The following PKD1 variants were observed in gnomAD, a reference collection of about 807,000 sequenced individuals.
The protein encoded by PKD1 is polycystin 1, transient receptor potential channel interacting.
Under a neutral mutation model 361.7 loss-of-function variants are expected in PKD1, and 81 were observed. The ratio of observed to expected loss-of-function variants is 0.22; its 90% CI spans 0.19 to 0.27. PKD1 has a LOEUF of 0.27. Ranked by LOEUF, PKD1 falls within the 10% of genes least tolerant of loss-of-function variation. The pLI is 1.00. For synonymous variants in PKD1, 3,615 were observed against 2,818.3 expected (o/e 1.28, Z -8.95); for missense variants, 6,399 against 6,118.3 (o/e 1.05, Z -1.53).
intron 11 of PKD1, 191 bp downstream of exon 11, chr16:2,113,979 G>A (rs1567209213): frequency 1.7e-6 from 1 of 605,942 alleles, no homozygotes; most frequent in Non-Finnish European, 2.9e-6. Context: ...CACTGTCAGA[G>A]CCGTGACTTT....
chr16:2,093,319 T>G, intron 37 of PKD1: 1 of 679,298 alleles, frequency 1.5e-6, no homozygotes, highest in South Asian at 1.9e-5. Context: ...TTAGGGGCCT[T>G]CAGGGCCAGG....
Position 2,106,341 on chromosome 16 carries a change from C to T in PKD1, c.7490-37G>A, listed in dbSNP as rs368766419. 4.9e-5 allele frequency: 79 copies of T among 1,603,824 alleles called. No individual in the cohort carries two copies. Among genetic ancestry groups the T allele is most frequent in the African/African-American group, 2.9e-4 (22 of 74,686 alleles). On this transcript the variant is annotated intron_variant, in intron 18 of 45. Transcript: ENST00000262304. This position sits in a 1 kb window ranked among gnomAD's most constrained non-coding sequence, Gnocchi z 6.5. Reference sequence around the variant, plus strand: ...TCCCCACGGCATCACGGGAGGGCTCCGTGACGTCACAGAGTCGGGGGATCC... The same window carrying T: ...TCCCCACGGCATCACGGGAGGGCTCTGTGACGTCACAGAGTCGGGGGATCC...
At position 2,110,213 on chromosome 16, in the gene PKD1, G is replaced by C; in HGVS notation, c.4954C>G (p.Leu1652Val). 2 of 1,611,906 alleles carry C rather than the reference G, an allele frequency of 1.2e-6. No individual in the cohort carries two copies. The highest frequency in any genetic ancestry group is 1.7e-6 in the Non-Finnish European group (2 of 1,179,802). Residue 1652 changes from leucine to valine, a missense_variant, in exon 15 of 46, where the codon CTG becomes GTG. Leu to Val is a conservative substitution (Grantham distance 32). Transcript: ENST00000262304. ...RYFPTNHTVQ[L>V]QAVVRDGTNV... Reference sequence around the variant, plus strand: ...GTGCCATCCCTAACCACGGCCTGCAGCTGTACCGTGTGGTTGGTGGGGAAG... The same window carrying C: ...GTGCCATCCCTAACCACGGCCTGCACCTGTACCGTGTGGTTGGTGGGGAAG...
intron 26 of PKD1, among the ~76,000 whole-genome samples, chr16:2,101,079 G>A (rs536838937): frequency 2.0e-5 from 3 of 152,026 alleles, no homozygotes; most frequent in South Asian, 2.1e-4. Flanking sequence ...TCCGCCTCCC[G>A]GGTTCACGCC....
In PKD1 at chr16:2,118,426, G is replaced by A. The variant is rs1304952446; in HGVS notation, c.566C>T (p.Ser189Leu). ...AAAGGACACTGCTGCCACGGTGCCT[G>A]AGCTGTTGTCAGGGAGGCAGGCGAC... ...EYVACLPDNS[S>L]GTVAAVSFSA... is the part of the protein sequence containing the mutation. Residue 189 changes from serine (S) to leucine (L), a missense_variant, in exon 5 of 46, where the codon TCA becomes TTA. Ser to Leu is a moderately radical substitution (Grantham distance 145). Transcript: ENST00000262304. This position sits in a 1 kb window ranked among gnomAD's most constrained non-coding sequence, Gnocchi z 6.0. 1.6e-6 allele frequency: 2 copies of A among 1,236,516 alleles called. No individual in the cohort carries two copies. The highest frequency in any genetic ancestry group is 1.3e-5 in the South Asian group (1 of 78,770). The allele number at this position is 1,236,516 out of a possible 1,614,324, so 76.6% of individuals were successfully genotyped here. A position where few individuals can be genotyped will look rare whatever the true frequency, so the allele number is the denominator to read the frequency against.
At chr16:2,097,093 T>G (rs1596499939) in intron 34 of PKD1, 55 bp downstream of exon 34, 1 of 789,310 alleles carries the variant, frequency 1.3e-6, no homozygotes, top group East Asian at 6.8e-5. Flanking sequence ...CTGCCTGGCC[T>G]GAGTCCCGGC....
At chr16:2,128,823 G>A (rs982910930) in intron 1 of PKD1, among the ~76,000 whole-genome samples, 1 of 151,998 alleles carries the variant, frequency 6.6e-6, no homozygotes, top group African/African-American at 2.4e-5. Flanking sequence ...TCCTGCCTCA[G>A]CCCCCAAAGT....
intron 1 of PKD1, among the ~76,000 whole-genome samples, chr16:2,126,624 C>T (rs1176021430): frequency 5.9e-5 from 9 of 152,290 alleles, no homozygotes; most frequent in African/African-American, 1.2e-4. Context: ...CAGACGTGCC[C>T]GGCCTCAGCC....
In PKD1 at chr16:2,108,914, G is replaced by A; in HGVS notation, c.6253C>T (p.Pro2085Ser). 1 of 1,589,556 alleles carries A rather than the reference G, an allele frequency of 6.3e-7. No individual in the cohort carries two copies. ...TGGTAGGCCACACGCCGGGGGCTGG[G>A]GCTGGTGGCGGCCTCAAACTGCGCC... The part of the protein sequence containing the change: ...RSAQFEAATS[P>S]SPRRVAYHWD... Residue 2085 changes from proline (P) to serine (S), a missense_variant, in exon 15 of 46, where the codon CCC becomes TCC. Pro to Ser is a moderately conservative substitution (Grantham distance 74, BLOSUM62 -1). Coordinates refer to ENST00000262304, the MANE Select transcript of PKD1 (RefSeq NM_001009944.3).
At position 2,090,482 on chromosome 16, in the gene PKD1, A is replaced by G; in HGVS notation, c.12247T>C (p.Ser4083Pro). 2.5e-6 allele frequency: 4 copies of G among 1,612,154 alleles called. No individual in the cohort carries two copies. The highest frequency in any genetic ancestry group is 3.4e-6 in the Non-Finnish European group (4 of 1,179,720). ...TLCPAESWHL[S>P]PLLCVGLWAL... is the part of the protein sequence containing the mutation. Reference sequence around the variant, plus strand: ...CAGAGCCCCACACACAGCAGGGGTGACAGGTGCCAGGACTCGGCAGGACAC... The same window carrying G: ...CAGAGCCCCACACACAGCAGGGGTGGCAGGTGCCAGGACTCGGCAGGACAC... Residue 4083 changes from serine (S) to proline (P), a missense_variant, in exon 45 of 46, where the codon TCA becomes CCA. Physicochemically the swap from Ser to Pro is moderately conservative, Grantham distance 74. Coordinates refer to ENST00000262304, the MANE Select transcript of PKD1 (RefSeq NM_001009944.3).
chr16:2,094,549 T>C (rs974485528), intron 34 of PKD1, among the ~76,000 whole-genome samples: 9 of 152,180 alleles, frequency 5.9e-5, no homozygotes, highest in African/African-American at 2.2e-4. Flanking sequence ...CAAACTATGA[T>C]TGGGTCTCAA....
chr16:2,128,339 G>C (rs2092823533), intron 1 of PKD1, among the ~76,000 whole-genome samples: 1 of 140,476 alleles, frequency 7.1e-6, no homozygotes, highest in Non-Finnish European at 1.5e-5. Flanking sequence ...CTGGCAGGGA[G>C]GGAGAGGTGG....
rs1287040476 is a variant in PKD1 at position 2,104,555 on chromosome 16, T to C, written c.8104A>G (p.Thr2702Ala). 1.3e-6 allele frequency: 2 copies of C among 1,596,552 alleles called. No homozygotes were observed. Among genetic ancestry groups the C allele is most frequent in the South Asian group, 1.1e-5 (1 of 89,132 alleles). ...EAMMLILQAE[T>A]TAGTVTPTAI... ...GTGGGCGTCACGGTGCCCGCGGTGGTCTCTGCCTGCAGGATGAGCATCATG... is the reference window on the plus strand; with the variant it reads ...GTGGGCGTCACGGTGCCCGCGGTGGCCTCTGCCTGCAGGATGAGCATCATG... The change falls in exon 22 of 46, where the codon ACC becomes GCC. Residue 2702 changes from threonine to alanine, a missense_variant. Thr to Ala is a moderately conservative substitution (Grantham distance 58, BLOSUM62 0). Transcript: ENST00000262304.
Position 2,108,435 on chromosome 16 carries a change from G to T in PKD1, c.6732C>A (p.Ser2244Arg). The T allele has an allele frequency of 6.2e-7, 1 of 1,610,504 alleles. No homozygotes were observed. The highest frequency in any genetic ancestry group is 8.5e-7 in the Non-Finnish European group (1 of 1,179,696). ...GGGCCACCGTCACATTGGCCTGGAT[G>T]CTCTGTGTCAGTGGCGTGTCCCCAA... ...VSFGDTPLTQ[S>R]IQANVTVAPE... The change falls in exon 15 of 46, where the codon AGC becomes AGA. Residue 2244 changes from serine to arginine, a missense_variant. Transcript: ENST00000262304.
Position 2,118,482 on chromosome 16 carries a change from G to C in PKD1, c.530-20C>G. The stretch of plus-strand genomic sequence containing the variant: ...CCTCACCTAGAAGAGGCAGCCACTG[G>C]ACCCCGGGTTCTGCTCCTCCTGGCT... On this transcript the variant is annotated intron_variant, in intron 4 of 45. Coordinates refer to ENST00000262304, the MANE Select transcript of PKD1 (RefSeq NM_001009944.3). The surrounding 1 kb of genome is among the most constrained non-coding windows in gnomAD (Gnocchi z 6.0). 1 of 1,318,124 alleles carries C rather than the reference G, an allele frequency of 7.6e-7. No homozygotes were observed. Among genetic ancestry groups the C allele is most frequent in the Non-Finnish European group, 1.1e-6 (1 of 947,344 alleles). The allele number at this position is 1,318,124 out of a possible 1,614,324, so 81.7% of individuals were successfully genotyped here.
In PKD1 at chr16:2,106,339, T is replaced by C; in HGVS notation, c.7490-35A>G. On this transcript the variant is annotated intron_variant, in intron 18 of 45. Coordinates refer to ENST00000262304, the MANE Select transcript of PKD1 (RefSeq NM_001009944.3). The surrounding 1 kb of genome is among the most constrained non-coding windows in gnomAD (Gnocchi z 6.5). ...GGTCCCCACGGCATCACGGGAGGGC[T>C]CCGTGACGTCACAGAGTCGGGGGAT... 6.2e-7 allele frequency: 1 copy of C among 1,602,336 alleles called. No individual in the cohort carries two copies. Among genetic ancestry groups the C allele is most frequent in the Non-Finnish European group, 8.5e-7 (1 of 1,173,768 alleles).
Position 2,103,398 on chromosome 16 carries a change from G to C in PKD1, c.8659C>G (p.His2887Asp). Residue 2887 changes from histidine to aspartate, a missense_variant, in exon 23 of 46, where the codon CAC (histidine) becomes GAC (aspartate). Physicochemically the swap from His to Asp is moderately conservative, Grantham distance 81 (BLOSUM62 -1). Transcript: ENST00000262304. ...PNNSDWAARGHRSSANSANSV... is the reference protein window; with the variant it reads ...PNNSDWAARGDRSSANSANSV... ...TTGGCGGAGTTGGCGGAGCTGCGGTGGCCCCGGGCAGCCCAGTCCGAGTTG... is the reference window on the plus strand; with the variant it reads ...TTGGCGGAGTTGGCGGAGCTGCGGTCGCCCCGGGCAGCCCAGTCCGAGTTG... The C allele has an allele frequency of 1.9e-6, 3 of 1,599,960 alleles. No individual in the cohort carries two copies. Among genetic ancestry groups the C allele is most frequent in the Non-Finnish European group, 2.5e-6 (3 of 1,179,524 alleles).
chr16:2,107,697 C>G, intron 16 of PKD1, 186 bp downstream of exon 16: 1 of 663,218 alleles, frequency 1.5e-6, no homozygotes, highest in East Asian at 2.7e-5. Flanking sequence ...GAAGACTGTA[C>G]GTGGAACTGT....
At position 2,112,440 on chromosome 16, in the gene PKD1, G is replaced by C. The variant is rs1245290005; in HGVS notation, c.3195C>G (p.His1065Gln). 1 of 1,586,768 alleles carries C rather than the reference G, an allele frequency of 6.3e-7. No individual in the cohort carries two copies. Among genetic ancestry groups the C allele is most frequent in the Non-Finnish European group, 8.5e-7 (1 of 1,174,380 alleles). Residue 1065 changes from histidine (H) to glutamine (Q), a missense_variant, in exon 14 of 46, where the codon CAC (histidine) becomes CAG (glutamine). His to Gln is a conservative substitution (Grantham distance 24). Coordinates refer to ENST00000262304, the MANE Select transcript of PKD1 (RefSeq NM_001009944.3). ...WTFGDGEQALHQFQPPYNESF... is the reference protein window; with the variant it reads ...WTFGDGEQALQQFQPPYNESF... ...ACTCGTTGTACGGAGGCTGGAACTG[G>C]TGGAGGGCCTGCTCCCCATCCCCAA... is the stretch of plus-strand genomic sequence containing the variant.
Sources: gnomAD v4.1 joint callset for allele counts (sites outside exome capture counted in the v4.1 genomes callset) on GRCh38, gnomAD v4.1.1 for gene constraint, Gnocchi (gnomAD v3.1) non-coding constraint, MANE v1.5 for transcripts, NCBI Gene and HGNC (gene_info 2026-07-23, HGNC 2026-07-21) for gene names.